Variants in ABCD2 observed in about 807,000 individuals in gnomAD.
ABCD2 encodes ATP-binding cassette sub-family D member 2.
Under a neutral mutation model 70.9 loss-of-function variants are expected in ABCD2, and 36 were observed. That is an observed-to-expected ratio of 0.51 (90% confidence interval 0.39 to 0.67). The LOEUF is 0.67. Among genes scored for constraint, ABCD2 ranks in the 30% least tolerant of loss-of-function variants. ABCD2 has a pLI of 0.00. For synonymous variants in ABCD2, 304 were observed against 306.9 expected (o/e 0.99, Z 0.10); for missense variants, 729 against 890.2 (o/e 0.82, Z 2.30).
chr12:39,603,866 A>T, intron 5 of ABCD2, 46 bp downstream of exon 5: 3 of 1,383,138 alleles, frequency 2.2e-6, no homozygotes, highest in Non-Finnish European at 3.1e-6. Context: ...GTTGTTTTGT[A>T]TTAGTGTGAT....
intron 7 of ABCD2, among the ~76,000 whole-genome samples, chr12:39,581,713 A>C (rs1272775337): frequency 6.6e-6 from 1 of 152,204 alleles, no homozygotes; most frequent in Non-Finnish European, 1.5e-5. Flanking sequence ...ATTTGGGTCA[A>C]AGGACACTTT....
At chr12:39,579,471 T>C in intron 8 of ABCD2, 64 bp downstream of exon 8, 2 of 1,154,264 alleles carry the variant, frequency 1.7e-6, no homozygotes, top group Non-Finnish European at 2.6e-6. Flanking sequence ...CTTTTGTTGT[T>C]CCTATTGTTG....
chr12:39,563,689 A>C (rs1391853916), intron 9 of ABCD2, among the ~76,000 whole-genome samples: 1 of 152,116 alleles, frequency 6.6e-6, no homozygotes, highest in Non-Finnish European at 1.5e-5. Context: ...GGTTAGTTAC[A>C]TATGTATACA....
chr12:39,596,789 A>G (rs1239799746), intron 6 of ABCD2, among the ~76,000 whole-genome samples: 1 of 152,186 alleles, frequency 6.6e-6, no homozygotes. Context: ...TTAGAATTAC[A>G]TGATGGGTTG....
intron 9 of ABCD2, among the ~76,000 whole-genome samples, chr12:39,557,748 G>A (rs1941191023): frequency 6.6e-6 from 1 of 152,156 alleles, no homozygotes. Flanking sequence ...TCCTTCTGAG[G>A]GTACAAGCCC....
chr12:39,560,742 T>G (rs1269981859), intron 9 of ABCD2, among the ~76,000 whole-genome samples: 2 of 152,130 alleles, frequency 1.3e-5, no homozygotes, highest in Non-Finnish European at 2.9e-5. Flanking sequence ...GCAATTAAAT[T>G]AAAGTTGTTA....
chr12:39,561,571 A>C (rs1941259531), intron 9 of ABCD2, among the ~76,000 whole-genome samples: 1 of 152,186 alleles, frequency 6.6e-6, no homozygotes. Context: ...ATGTCAGGTA[A>C]AATAGACTTT....
chr12:39,590,111 T>C (rs1022429758), intron 6 of ABCD2, among the ~76,000 whole-genome samples: 2 of 152,234 alleles, frequency 1.3e-5, no homozygotes, highest in African/African-American at 4.8e-5. Flanking sequence ...TGTGATTCTC[T>C]TTCCAGCTCA....
chr12:39,562,934 A>C (rs1197207997), intron 9 of ABCD2, among the ~76,000 whole-genome samples: 1 of 152,222 alleles, frequency 6.6e-6, no homozygotes. Flanking sequence ...AGCAAACTGA[A>C]TTCAACAGCA....
At position 39,586,469 on chromosome 12, in the gene ABCD2, G is replaced by A. The variant is rs929139525; in HGVS notation, c.1647-172C>T. ...CCCTCAGGCACTGCTAAACAATACC[G>A]TTATGTTTACATAAAAACTTACTGA... On this transcript the variant is annotated intron_variant, in intron 6 of 9. Transcript: ENST00000308666. Among the ~76,000 whole-genome samples, 19 of 152,094 alleles carry A rather than the reference G, an allele frequency of 1.2e-4. 1 individual carries two copies. The highest frequency in any genetic ancestry group is 4.1e-4 in the South Asian group (2 of 4,830).
chr12:39,562,655 GA>G (rs1019388970), intron 9 of ABCD2, among the ~76,000 whole-genome samples: 7 of 151,942 alleles, frequency 4.6e-5, no homozygotes, highest in Admixed American at 6.6e-5. Flanking sequence ...AATGTCAACA[GA>G]CAAATAACAA....
chr12:39,600,933 G>C (rs1240814525), intron 5 of ABCD2, among the ~76,000 whole-genome samples: 3 of 152,048 alleles, frequency 2.0e-5, no homozygotes, highest in Non-Finnish European at 2.9e-5. Flanking sequence ...CAAAGAAAAT[G>C]GATCTTCTTG....
At position 39,586,184 on chromosome 12, in the gene ABCD2, A is replaced by G; in HGVS notation, c.1760T>C (p.Val587Ala). The G allele has an allele frequency of 6.2e-7, 1 of 1,613,146 alleles. No individual in the cohort carries two copies. Among genetic ancestry groups the G allele is most frequent in the Non-Finnish European group, 8.5e-7 (1 of 1,179,428 alleles). Reference sequence around the variant, plus strand: ...TCTTTGAACTATGTGATAGAGATGGACATTGTGTAGGATACGTTCCAGATC... The same window carrying G: ...TCTTTGAACTATGTGATAGAGATGGGCATTGTGTAGGATACGTTCCAGATC... ...DQDLERILHN[V>A]HLYHIVQREG... The change falls in exon 7 of 10, where the codon GTC (valine) becomes GCC (alanine). Residue 587 changes from valine (V) to alanine (A), a missense_variant. Val to Ala is a moderately conservative substitution (Grantham distance 64). Coordinates refer to ENST00000308666, the MANE Select transcript of ABCD2 (RefSeq NM_005164.4).
intron 9 of ABCD2, among the ~76,000 whole-genome samples, chr12:39,569,294 C>T (rs112657050): frequency 0.043 from 6,610 of 152,316 alleles, 189 homozygotes; most frequent in African/African-American, 0.08. Flanking sequence ...GCTTCCCTGC[C>T]GCTTTGTTTA....
the ABCD2 span, among the ~76,000 whole-genome samples, chr12:39,534,275 T>G: frequency 2.0e-5 from 3 of 152,204 alleles, no homozygotes; most frequent in Admixed American, 2.0e-4. Context: ...TCTGCCCAAC[T>G]TATTATCTTC....
intron 2 of ABCD2, among the ~76,000 whole-genome samples, chr12:39,611,051 T>C (rs1942037978): frequency 6.6e-6 from 1 of 152,230 alleles, no homozygotes; most frequent in Admixed American, 6.5e-5. Context: ...ACTATACCTG[T>C]TCATTTTACT....
chr12:39,556,170 A>T (rs1258383868), intron 9 of ABCD2, among the ~76,000 whole-genome samples: 1 of 152,146 alleles, frequency 6.6e-6, no homozygotes. Flanking sequence ...GGGAAATGGG[A>T]CTCACCAAAT....
At chr12:39,532,369 T>C in the ABCD2 span, among the ~76,000 whole-genome samples, 2 of 152,228 alleles carry the variant, frequency 1.3e-5, no homozygotes, top group Admixed American at 1.3e-4. Context: ...GAAAAGCTGT[T>C]CAACATCTCC....
chr12:39,545,890 G>C (rs896626681), downstream of ABCD2, among the ~76,000 whole-genome samples: 1 of 152,168 alleles, frequency 6.6e-6, no homozygotes, highest in African/African-American at 2.4e-5. Flanking sequence ...AAAGAGGAAG[G>C]ATATACAGTT....
Sources: gnomAD v4.1 joint callset for allele counts (sites outside exome capture counted in the v4.1 genomes callset) on GRCh38, gnomAD v4.1.1 for gene constraint, MANE v1.5 for transcripts, NCBI Gene and HGNC (gene_info 2026-07-23, HGNC 2026-07-21) for gene names.